PTBP3: variants seen among roughly 807,000 people sequenced by gnomAD.
The protein encoded by PTBP3 is polypyrimidine tract-binding protein 3.
Under a neutral mutation model 58.7 loss-of-function variants are expected in PTBP3, and 20 were observed. The ratio of observed to expected loss-of-function variants is 0.34; its 90% CI spans 0.24 to 0.50. PTBP3 has a LOEUF of 0.50. PTBP3 is among the 20% of genes least tolerant of loss of function. The pLI, the probability that PTBP3 is intolerant of heterozygous loss-of-function variation, is 0.98. For missense variants in PTBP3, 509 were observed against 637.2 expected (o/e 0.80, Z 2.17); for synonymous variants, 185 against 219.8 (o/e 0.84, Z 1.40).
At chr9:112,234,018 C>G (rs1019852366) in intron 8 of PTBP3, among the ~76,000 whole-genome samples, 1 of 151,796 alleles carries the variant, frequency 6.6e-6, no homozygotes, top group Non-Finnish European at 1.5e-5. Flanking sequence ...TGCCAGAAAG[C>G]AGCTATGTTG....
At chr9:112,297,607 C>A (rs1240579756) in intron 2 of PTBP3, among the ~76,000 whole-genome samples, 1 of 152,040 alleles carries the variant, frequency 6.6e-6, no homozygotes, top group African/African-American at 2.4e-5. Flanking sequence ...GAACATCAAT[C>A]AAAAAACTGA....
chr9:112,257,503 T>G (rs1564410846), intron 5 of PTBP3, among the ~76,000 whole-genome samples: 1 of 152,200 alleles, frequency 6.6e-6, no homozygotes, highest in African/African-American at 2.4e-5. Context: ...ATACCTCCTG[T>G]GTATTTTAAT....
Position 112,220,740 on chromosome 9 carries a change from A to G in PTBP3, c.*3111T>C. The G allele has an allele frequency of 5.1e-6, 5 of 983,868 alleles. No homozygotes were observed. The highest frequency in any genetic ancestry group is 4.7e-5 in the South Asian group (1 of 21,292). The allele number at this position is 983,868 out of a possible 1,614,324, so 60.9% of individuals were successfully genotyped here. On this transcript the variant is annotated 3_prime_UTR_variant, in exon 14 of 14. Transcript: ENST00000374257. ...ATTTTACTGCTATGCAAATTATTCA[A>G]ATCTCAAAGTAAATCATTTTGGTGT... is the stretch of plus-strand genomic sequence containing the variant.
chr9:112,355,655 G>C, the PTBP3 span, among the ~76,000 whole-genome samples: 353 of 143,514 alleles, frequency 2.5e-3, 2 homozygotes, highest in Non-Finnish European at 3.5e-3. Context: ...GAGGGTGGGT[G>C]TTGGGGAGTT....
chr9:112,363,316 G>C, the PTBP3 span, among the ~76,000 whole-genome samples: 3 of 152,094 alleles, frequency 2.0e-5, no homozygotes, highest in Non-Finnish European at 2.9e-5. Context: ...AATCTGAGGA[G>C]GGCAGATCTC....
At position 112,280,373 on chromosome 9, in the gene PTBP3, T is replaced by A. The variant is rs545986936; in HGVS notation, c.35-4360A>T. Reference sequence around the variant, plus strand: ...CCTGGGCTGCTGTTTATTTATTATTTTTTTTTTACAGCTTTACTGAACTAG... The same window carrying A: ...CCTGGGCTGCTGTTTATTTATTATTATTTTTTTACAGCTTTACTGAACTAG... On this transcript the variant is annotated intron_variant, in intron 2 of 13. Transcript: ENST00000374257. Among the ~76,000 whole-genome samples, 107 of 152,238 alleles carry A rather than the reference T, an allele frequency of 7.0e-4. 1 individual carries two copies. The South Asian group carries it at 0.017, about 24-fold the overall frequency.
chr9:112,227,682 A>G, intron 11 of PTBP3, 55 bp from the exon 12 acceptor site: 1 of 1,245,806 alleles, frequency 8.0e-7, no homozygotes, highest in Non-Finnish European at 1.2e-6. Context: ...ATTTCTCAGT[A>G]GTATCTGACA....
chr9:112,310,656 A>G (rs1019611028), intron 1 of PTBP3, among the ~76,000 whole-genome samples: 1 of 152,254 alleles, frequency 6.6e-6, no homozygotes, highest in African/African-American at 2.4e-5. Context: ...AATCAAAGTA[A>G]GTAAATTATG....
intron 1 of PTBP3, among the ~76,000 whole-genome samples, chr9:112,316,237 G>A (rs1829697803): frequency 6.6e-6 from 1 of 152,110 alleles, no homozygotes; most frequent in African/African-American, 2.4e-5. Context: ...TAAAGTATAG[G>A]TTGCACCTAG....
chr9:112,328,526 T>G (rs1202883216), intron 1 of PTBP3, among the ~76,000 whole-genome samples: 1 of 152,244 alleles, frequency 6.6e-6, no homozygotes, highest in African/African-American at 2.4e-5. Flanking sequence ...ATTTAAATCT[T>G]CTTTCACTTA....
chr9:112,367,446 T>G, the PTBP3 span, among the ~76,000 whole-genome samples: 1 of 152,272 alleles, frequency 6.6e-6, no homozygotes, highest in East Asian at 1.9e-4. Flanking sequence ...TGGGTTTTTT[T>G]GTTTTGTTTT....
intron 1 of PTBP3, among the ~76,000 whole-genome samples, chr9:112,322,853 G>A (rs1421501098): frequency 6.6e-6 from 1 of 152,208 alleles, no homozygotes; most frequent in Admixed American, 6.5e-5. Flanking sequence ...TATGGACCCC[G>A]AGGTGGTAGG....
intron 1 of PTBP3, among the ~76,000 whole-genome samples, chr9:112,317,000 C>A (rs1829732317): frequency 6.6e-6 from 1 of 150,502 alleles, no homozygotes; most frequent in Non-Finnish European, 1.5e-5. Context: ...AAGAAAAAGG[C>A]CAGGAACAGT....
the PTBP3 span, among the ~76,000 whole-genome samples, chr9:112,348,372 G>A: frequency 0.011 from 1,698 of 152,332 alleles, 30 homozygotes; most frequent in African/African-American, 0.034. Context: ...CTGGAGTTGG[G>A]CCAGTGGCCT....
chr9:112,246,103 C>T (rs1835865220), intron 7 of PTBP3, among the ~76,000 whole-genome samples: 2 of 151,848 alleles, frequency 1.3e-5, no homozygotes, highest in Non-Finnish European at 2.9e-5. Context: ...CTGCCTCAGC[C>T]CCCCTAGTAG....
At chr9:112,249,816 C>T (rs532556645) in intron 7 of PTBP3, among the ~76,000 whole-genome samples, 2 of 113,342 alleles carry the variant, frequency 1.8e-5, no homozygotes, top group East Asian at 4.4e-4. Flanking sequence ...CTTTAATTTG[C>T]CCCAGTATTT....
chr9:112,354,192 T>C, the PTBP3 span, among the ~76,000 whole-genome samples: 3 of 152,326 alleles, frequency 2.0e-5, no homozygotes, highest in East Asian at 3.9e-4. Flanking sequence ...GTTTTATGTT[T>C]CCTGATTTGT....
rs563934795 is a variant in PTBP3, at chr9:112,232,254, A to C, written c.881-16T>G. 8.9e-6 allele frequency: 14 copies of C among 1,569,876 alleles called. No homozygotes were observed. Among genetic ancestry groups the C allele is most frequent in the Non-Finnish European group, 1.2e-5 (14 of 1,154,264 alleles). Reference sequence around the variant, plus strand: ...ACTGATAGACCTTTTAAAAATACCAAAAGCATTTCATATTCTAATTATTTG... The same window carrying C: ...ACTGATAGACCTTTTAAAAATACCACAAGCATTTCATATTCTAATTATTTG... On this transcript the variant is annotated splice_polypyrimidine_tract_variant and intron_variant, in intron 8 of 13. Transcript: ENST00000374257.
chr9:112,318,760 A>G (rs897180237), intron 1 of PTBP3, among the ~76,000 whole-genome samples: 3 of 143,474 alleles, frequency 2.1e-5, no homozygotes, highest in Non-Finnish European at 4.5e-5. Flanking sequence ...ACTGTCTCCA[A>G]AAAAAAAAAA....
Sources: gnomAD v4.1 joint callset for allele counts (sites outside exome capture counted in the v4.1 genomes callset) on GRCh38, gnomAD v4.1.1 for gene constraint, MANE v1.5 for transcripts, NCBI Gene and HGNC (gene_info 2026-07-23, HGNC 2026-07-21) for gene names.